The following NRXN1 variants were observed in gnomAD, a reference collection of about 807,000 sequenced individuals.
The protein encoded by NRXN1 is neurexin 1, also known as neurexin-1.
In NRXN1, 39 loss-of-function variants were observed where a neutral mutation model predicts 150.9. The observed-to-expected ratio is 0.26, with a 90% CI of 0.20 to 0.34. NRXN1 has a LOEUF of 0.34. Among genes scored for constraint, NRXN1 ranks in the 10% least tolerant of loss-of-function variants. NRXN1 has a pLI of 1.00. For synonymous variants in NRXN1, 924 were observed against 757.0 expected (o/e 1.22, Z -3.62); for missense variants, 1,815 against 1,949.9 (o/e 0.93, Z 1.30).
chr2:50,881,944 A>G (rs1679501896), intron 5 of NRXN1, among the ~76,000 whole-genome samples: 1 of 151,758 alleles, frequency 6.6e-6, no homozygotes, highest in Non-Finnish European at 1.5e-5. Flanking sequence ...TAAACGCAAA[A>G]ATAGCAATTG....
Position 51,027,524 on chromosome 2 carries a change from G to A in NRXN1, c.750C>T (p.Phe250=). ...TACCTTGGCTGCAGTCCTTGCCGCG[G>A]AAGCCGGTTCGCGAGCAGTCGCACA... ...QAVCDCSRTG[F]RGKDCSQEDN... The change falls in exon 2 of 23, where the codon TTC becomes TTT. Residue 250 remains phenylalanine, a synonymous_variant. Coordinates refer to ENST00000401669, the MANE Select transcript of NRXN1 (RefSeq NM_001330078.2). The A allele has an allele frequency of 6.4e-7, 1 of 1,550,736 alleles. No homozygotes were observed. The highest frequency in any genetic ancestry group is 1.2e-5 in the South Asian group (1 of 82,870).
intron 17 of NRXN1, among the ~76,000 whole-genome samples, chr2:50,452,661 A>G (rs981606354): frequency 7.2e-5 from 11 of 152,226 alleles, no homozygotes; most frequent in Non-Finnish European, 1.3e-4. Flanking sequence ...ATATACAAAC[A>G]TGGGGAATGT....
At chr2:49,977,236 A>C (rs1679146954) in intron 21 of NRXN1, among the ~76,000 whole-genome samples, 1 of 152,166 alleles carries the variant, frequency 6.6e-6, no homozygotes, top group African/African-American at 2.4e-5. Context: ...TTTACATAAA[A>C]GTGCTGTAAA....
intron 5 of NRXN1, among the ~76,000 whole-genome samples, chr2:50,884,620 C>T (rs1041751563): frequency 2.0e-5 from 3 of 151,412 alleles, no homozygotes; most frequent in Admixed American, 6.6e-5. Flanking sequence ...CCATGTTTTC[C>T]GAGAGCACAT....
At chr2:50,564,309 A>C (rs1213411365) in intron 8 of NRXN1, among the ~76,000 whole-genome samples, 1 of 152,178 alleles carries the variant, frequency 6.6e-6, no homozygotes, top group East Asian at 1.9e-4. Context: ...TAAGGTCTTA[A>C]GGGTTAAGAT....
At chr2:50,338,059 A>G (rs553735098) in intron 17 of NRXN1, among the ~76,000 whole-genome samples, 1 of 152,358 alleles carries the variant, frequency 6.6e-6, no homozygotes, top group South Asian at 2.1e-4. Flanking sequence ...ACCTAGGACT[A>G]GTCCCAAGAA....
At chr2:50,456,704 CT>C (rs941059683) in intron 17 of NRXN1, among the ~76,000 whole-genome samples, 23 of 151,798 alleles carry the variant, frequency 1.5e-4, no homozygotes, top group Non-Finnish European at 2.4e-4. Flanking sequence ...CTTTTTTTCC[CT>C]TCCCTACAAA....
intron 2 of NRXN1, among the ~76,000 whole-genome samples, chr2:50,992,302 TAGA>T (rs1487152707): frequency 6.6e-6 from 1 of 152,004 alleles, no homozygotes. Flanking sequence ...CTGAGGATTA[TAGA>T]AGTTAAATAA....
intron 8 of NRXN1, among the ~76,000 whole-genome samples, chr2:50,611,071 A>G (rs1009078049): frequency 2.0e-5 from 3 of 150,546 alleles, no homozygotes; most frequent in Non-Finnish European, 4.4e-5. Context: ...TTTAATGTTG[A>G]TTAACATAAT....
intron 19 of NRXN1, among the ~76,000 whole-genome samples, chr2:50,066,938 A>G (rs1418383142): frequency 6.6e-6 from 1 of 152,208 alleles, no homozygotes; most frequent in Non-Finnish European, 1.5e-5. Context: ...TAAATGCGAT[A>G]TATTAATGTA....
chr2:50,149,637 C>T (rs1463730784), intron 18 of NRXN1, among the ~76,000 whole-genome samples: 3 of 151,638 alleles, frequency 2.0e-5, no homozygotes, highest in Non-Finnish European at 4.4e-5. Context: ...CCTCCTTACC[C>T]AGCTAGCTTT....
intron 17 of NRXN1, among the ~76,000 whole-genome samples, chr2:50,354,113 T>A (rs1260169709): frequency 3.3e-5 from 5 of 152,158 alleles, no homozygotes; most frequent in Non-Finnish European, 7.4e-5. Context: ...CAGTGTTCCC[T>A]AAGCATAGAT....
chr2:50,676,358 A>G, intron 5 of NRXN1, among the ~76,000 whole-genome samples: 1 of 152,180 alleles, frequency 6.6e-6, no homozygotes, highest in Non-Finnish European at 1.5e-5. Context: ...TAGCAATGCA[A>G]ACAGACTAAC....
At chr2:50,376,500 G>A (rs1407877232) in intron 17 of NRXN1, among the ~76,000 whole-genome samples, 2 of 152,090 alleles carry the variant, frequency 1.3e-5, no homozygotes, top group Non-Finnish European at 2.9e-5. Flanking sequence ...GGTGTACTGG[G>A]TTTTGATGCT....
At chr2:50,295,772 CA>C (rs2152949545) in intron 17 of NRXN1, among the ~76,000 whole-genome samples, 1 of 152,268 alleles carries the variant, frequency 6.6e-6, no homozygotes, top group African/African-American at 2.4e-5. Flanking sequence ...ATGAGGAAGT[CA>C]GTAGGCATAA....
chr2:49,990,996 T>C (rs1681839559), intron 21 of NRXN1, among the ~76,000 whole-genome samples: 1 of 152,016 alleles, frequency 6.6e-6, no homozygotes, highest in Non-Finnish European at 1.5e-5. Context: ...CCTAAGAAAA[T>C]GTTTCCTACA....
chr2:49,971,538 C>A (rs953394564), intron 21 of NRXN1, among the ~76,000 whole-genome samples: 1 of 152,052 alleles, frequency 6.6e-6, no homozygotes, highest in African/African-American at 2.4e-5. Flanking sequence ...ACTGGGCAAC[C>A]TTGATTGTGC....
In NRXN1 at chr2:50,113,693, G is replaced by C. The variant is rs571639506; in HGVS notation, c.3547-22199C>G. 8.5e-5 allele frequency among the ~76,000 whole-genome samples: 13 copies of C among 152,212 alleles called. No homozygotes were observed. In the East Asian group the frequency reaches 2.5e-3, roughly 29 times the overall value. On this transcript the variant is annotated intron_variant, in intron 18 of 22. Coordinates refer to ENST00000401669, the MANE Select transcript of NRXN1 (RefSeq NM_001330078.2). ...GGAGGAATATTTTGGCTATCCTTTT[G>C]TGACTCCCTTTATCTTTGATGCTCA...
rs889025218 is a variant in NRXN1, at chr2:50,135,522, T to G, written c.3547-44028A>C. ...CCTGGCTAACACAGTGAAACCCATCTCTACTAAAAATACAAAAAATTAGCC... is the reference window on the plus strand; with the variant it reads ...CCTGGCTAACACAGTGAAACCCATCGCTACTAAAAATACAAAAAATTAGCC... On this transcript the variant is annotated intron_variant, in intron 18 of 22. Transcript: ENST00000401669. Among the ~76,000 whole-genome samples the G allele has an allele frequency of 2.0e-5, 3 of 152,080 alleles. No individual in the cohort carries two copies. In the South Asian group the frequency reaches 6.2e-4, roughly 32 times the overall value.
Sources: allele counts gnomAD v4.1 joint callset (sites outside exome capture counted in the v4.1 genomes callset), GRCh38; gene constraint gnomAD v4.1.1; transcripts MANE v1.5; gene names NCBI Gene and HGNC (gene_info 2026-07-23, HGNC 2026-07-21).